NMNAT2: variants seen among roughly 807,000 people sequenced by gnomAD.
NMNAT2 encodes nicotinamide nucleotide adenylyltransferase 2, also known as nicotinamide/nicotinic acid mononucleotide adenylyltransferase 2.
In NMNAT2, 11 loss-of-function variants were observed where a neutral mutation model predicts 41.6. The ratio of observed to expected loss-of-function variants is 0.26; its 90% CI spans 0.17 to 0.44. The LOEUF (loss-of-function observed/expected upper bound fraction) is 0.44, where lower values mean the gene tolerates loss of function less well. NMNAT2 is among the 20% of genes least tolerant of loss of function. The pLI is 1.00. For missense variants in NMNAT2, 288 were observed against 407.7 expected (o/e 0.71, Z 2.53); for synonymous variants, 148 against 151.2 (o/e 0.98, Z 0.16).
chr1:183,403,077 A>G (rs1648858566), intron 1 of NMNAT2, among the ~76,000 whole-genome samples: 2 of 151,442 alleles, frequency 1.3e-5, no homozygotes, highest in African/African-American at 4.9e-5. Flanking sequence ...GGGATTACAG[A>G]TGCCTGCCAT....
At position 183,353,089 on chromosome 1, in the gene NMNAT2, C is replaced by T. The variant is rs147054985; in HGVS notation, c.86-59296G>A. Among the ~76,000 whole-genome samples the T allele has an allele frequency of 8.8e-3, 1,342 of 152,244 alleles. 14 individuals are homozygous for T. Among genetic ancestry groups the T allele is most frequent in the Non-Finnish European group, 0.014 (957 of 68,002 alleles). ...TGGCATGATCTTGGCTCACTGCAACCTCTGCCCTCCGAGTTCAAGTGATTC... is the reference window on the plus strand; with the variant it reads ...TGGCATGATCTTGGCTCACTGCAACTTCTGCCCTCCGAGTTCAAGTGATTC... On this transcript the variant is annotated intron_variant, in intron 1 of 10. Transcript: ENST00000287713.
rs185734761 is a variant in NMNAT2, at chr1:183,250,123, C to G, written c.*2518G>C. On this transcript the variant is annotated 3_prime_UTR_variant, in exon 11 of 11. Transcript: ENST00000287713. Reference sequence around the variant, plus strand: ...CCATCCATAACTCCAAGTCCTTAAACAAGCCATGTTTCCCCAGGAAATTCA... The same window carrying G: ...CCATCCATAACTCCAAGTCCTTAAAGAAGCCATGTTTCCCCAGGAAATTCA... 1.6e-4 allele frequency: 25 copies of G among 152,356 alleles called. No homozygotes were observed. The highest frequency in any genetic ancestry group is 5.3e-4 in the African/African-American group (22 of 41,562). The allele number at this position is 152,356 out of a possible 1,614,324, so 9.4% of individuals were successfully genotyped here.
chr1:183,305,348 G>T (rs893451860), intron 1 of NMNAT2, among the ~76,000 whole-genome samples: 4 of 152,114 alleles, frequency 2.6e-5, no homozygotes, highest in African/African-American at 9.7e-5. Context: ...AAGCAATGAA[G>T]ACAGGAGGAG....
intron 1 of NMNAT2, among the ~76,000 whole-genome samples, chr1:183,369,776 C>T (rs1365723157): frequency 6.6e-6 from 1 of 152,044 alleles, no homozygotes; most frequent in Non-Finnish European, 1.5e-5. Flanking sequence ...CCTTTAACTC[C>T]TCATTAAACA....
Position 183,389,828 on chromosome 1 carries a change from GAAAGAAAGAAA to G in NMNAT2, c.85+28344_85+28354del, listed in dbSNP as rs1648409337. ...AGAAAGAAAGAAAGAAAGAAAGAAAGAAAGAAAGAAAGAAAGGAAAAAAGAGAAAGAAAGAA... is the reference window on the plus strand; with the variant it reads ...AGAAAGAAAGAAAGAAAGAAAGAAAGGAAAGGAAAAAAGAGAAAGAAAGAA... On this transcript the variant is annotated intron_variant, in intron 1 of 10. Coordinates refer to ENST00000287713, the MANE Select transcript of NMNAT2 (RefSeq NM_015039.4). 7.5e-5 allele frequency among the ~76,000 whole-genome samples: 4 copies of G among 53,008 alleles called. 1 individual carries two copies. The highest frequency in any genetic ancestry group is 1.9e-4 in the African/African-American group (3 of 16,176). 34.8% of individuals were successfully genotyped at this position (53,008 alleles called of 152,430 possible). A position where few individuals can be genotyped will look rare whatever the true frequency, so the allele number is the denominator to read the frequency against.
chr1:183,391,340 T>G (rs4428846), intron 1 of NMNAT2, among the ~76,000 whole-genome samples: 13,895 of 152,260 alleles, frequency 0.091, 805 homozygotes, highest in Middle Eastern at 0.18. Flanking sequence ...CTTCTACATA[T>G]AGATGAATTG....
chr1:183,284,325 G>A (rs1037351885), intron 6 of NMNAT2, among the ~76,000 whole-genome samples: 8 of 152,214 alleles, frequency 5.3e-5, no homozygotes, highest in Admixed American at 3.3e-4. Context: ...CATGCTGAGC[G>A]CCTTCTGTTT....
chr1:183,366,638 G>A (rs1356722398), intron 1 of NMNAT2, among the ~76,000 whole-genome samples: 2 of 152,166 alleles, frequency 1.3e-5, no homozygotes, highest in African/African-American at 4.8e-5. Flanking sequence ...AATGGGTGTG[G>A]GAGTGAGATG....
At chr1:183,381,979 T>A (rs1663811127) in intron 1 of NMNAT2, among the ~76,000 whole-genome samples, 2 of 152,232 alleles carry the variant, frequency 1.3e-5, no homozygotes, top group Admixed American at 6.5e-5. Context: ...TGCATTATGC[T>A]CTGATACAGA....
At position 183,398,977 on chromosome 1, in the gene NMNAT2, C is replaced by A. The variant is rs563632523; in HGVS notation, c.85+19206G>T. Among the ~76,000 whole-genome samples, 6 of 152,238 alleles carry A rather than the reference C, an allele frequency of 3.9e-5. No homozygotes were observed. The South Asian group carries it at 6.2e-4, about 16-fold the overall frequency. On this transcript the variant is annotated intron_variant, in intron 1 of 10. Transcript: ENST00000287713. ...GAAAGCAGGAAAGATCTAAAATTGACAACCTAACATCACAATTAAAACAAC... is the reference window on the plus strand; with the variant it reads ...GAAAGCAGGAAAGATCTAAAATTGAAAACCTAACATCACAATTAAAACAAC...
intron 1 of NMNAT2, among the ~76,000 whole-genome samples, chr1:183,394,120 A>C (rs1648564398): frequency 6.6e-6 from 1 of 152,228 alleles, no homozygotes; most frequent in African/African-American, 2.4e-5. Context: ...CCCACTAATA[A>C]CTTATTAACA....
At chr1:183,362,076 T>G (rs1360032717) in intron 1 of NMNAT2, among the ~76,000 whole-genome samples, 1 of 152,122 alleles carries the variant, frequency 6.6e-6, no homozygotes, top group Non-Finnish European at 1.5e-5. Flanking sequence ...GTAGCTGGGA[T>G]TACAGGCACC....
chr1:183,352,977 A>C (rs1663097700), intron 1 of NMNAT2, among the ~76,000 whole-genome samples: 1 of 152,186 alleles, frequency 6.6e-6, no homozygotes, highest in South Asian at 2.1e-4. Context: ...AGGGGGTCAG[A>C]AAGGAGGCTC....
At chr1:183,276,725 A>C (rs1366877146) in intron 8 of NMNAT2, among the ~76,000 whole-genome samples, 1 of 152,196 alleles carries the variant, frequency 6.6e-6, no homozygotes, top group Non-Finnish European at 1.5e-5. Flanking sequence ...AATTGCCCAG[A>C]TTTGCCTGGA....
intron 1 of NMNAT2, among the ~76,000 whole-genome samples, chr1:183,297,444 G>A (rs890009725): frequency 6.6e-6 from 1 of 150,694 alleles, no homozygotes; most frequent in African/African-American, 2.4e-5. Flanking sequence ...GTGCAACGGC[G>A]TGATCTCGGC....
chr1:183,356,184 A>T (rs1340820029), intron 1 of NMNAT2, among the ~76,000 whole-genome samples: 7 of 152,254 alleles, frequency 4.6e-5, no homozygotes, highest in African/African-American at 1.4e-4. Context: ...ACAGATTTTT[A>T]AAAATGAGCA....
chr1:183,363,320 A>G (rs541882403), intron 1 of NMNAT2, among the ~76,000 whole-genome samples: 15 of 152,314 alleles, frequency 9.8e-5, no homozygotes, highest in African/African-American at 3.4e-4. Flanking sequence ...GTAAAAATGG[A>G]TTGTATCTCT....
At chr1:183,405,997 G>A (rs549355382) in intron 1 of NMNAT2, among the ~76,000 whole-genome samples, 2 of 152,292 alleles carry the variant, frequency 1.3e-5, no homozygotes, top group African/African-American at 4.8e-5. Flanking sequence ...TTAGCAGTTA[G>A]TCCACCAAAT....
intron 1 of NMNAT2, among the ~76,000 whole-genome samples, chr1:183,415,725 C>T (rs771085372): frequency 2.0e-5 from 3 of 152,162 alleles, no homozygotes; most frequent in Non-Finnish European, 1.5e-5. Context: ...GATGAAATGG[C>T]TTTGTTAACC....
Sources: allele counts gnomAD v4.1 joint callset (sites outside exome capture counted in the v4.1 genomes callset), GRCh38; gene constraint gnomAD v4.1.1; transcripts MANE v1.5; gene names NCBI Gene and HGNC (gene_info 2026-07-23, HGNC 2026-07-21).